RFX3: variants seen among roughly 807,000 people sequenced by gnomAD.
RFX3 encodes transcription factor RFX3.
In RFX3, 14 loss-of-function variants were observed where a neutral mutation model predicts 98.6. The observed-to-expected ratio is 0.14, with a 90% CI of 0.09 to 0.22. RFX3 has a LOEUF of 0.22. Ranked by LOEUF, RFX3 falls within the 10% of genes least tolerant of loss-of-function variation. RFX3 has a pLI of 1.00. For missense variants in RFX3, 639 were observed against 926.9 expected, an observed-to-expected ratio of 0.69 and a Z score of 4.03; for synonymous variants, 383 against 328.4, an observed-to-expected ratio of 1.17 and a Z score of -1.80.
chr9:3,360,729 C>T (rs553086650), intron 2 of RFX3, among the ~76,000 whole-genome samples: 22 of 151,948 alleles, frequency 1.4e-4, no homozygotes, highest in Middle Eastern at 3.4e-3. Flanking sequence ...AAAGTGAATA[C>T]CAAAACAAAT....
chr9:3,506,677 T>C (rs748070715), intron 1 of RFX3, among the ~76,000 whole-genome samples: 2 of 151,840 alleles, frequency 1.3e-5, no homozygotes, highest in Admixed American at 1.3e-4. Flanking sequence ...TATATAGATA[T>C]ATGAGTCTAG....
At chr9:3,258,804 CAT>C (rs915028453) in intron 13 of RFX3, among the ~76,000 whole-genome samples, 47 of 151,446 alleles carry the variant, frequency 3.1e-4, no homozygotes, top group African/African-American at 1.1e-3. Context: ...CATATATCAT[CAT>C]ATATATACAC....
Position 3,221,807 on chromosome 9 carries a change from T to C in RFX3, c.*3235A>G, listed in dbSNP as rs951761591. On this transcript the variant is annotated 3_prime_UTR_variant, in exon 17 of 17. Coordinates refer to ENST00000617270, the MANE Select transcript of RFX3 (RefSeq NM_001282116.2). ...ACCCATGATACTCAATCCTATCATA[T>C]GAAAATATCTTTTCTGAAACTTGAA... The C allele has an allele frequency of 2.0e-5, 3 of 152,214 alleles. No homozygotes were observed. Among genetic ancestry groups the C allele is most frequent in the Non-Finnish European group, 2.9e-5 (2 of 68,024 alleles). The allele number at this position is 152,214 out of a possible 1,614,324, so 9.4% of individuals were successfully genotyped here. A position where few individuals can be genotyped will look rare whatever the true frequency, so the allele number is the denominator to read the frequency against.
chr9:3,417,795 G>A, intron 1 of RFX3, among the ~76,000 whole-genome samples: 1 of 152,120 alleles, frequency 6.6e-6, no homozygotes, highest in East Asian at 1.9e-4. Context: ...AAGAATTCTA[G>A]AAATCCTTCT....
intron 4 of RFX3, among the ~76,000 whole-genome samples, chr9:3,311,164 T>A (rs1829907429): frequency 6.6e-6 from 1 of 152,222 alleles, no homozygotes. Flanking sequence ...AACTGTAAAT[T>A]TTTTAGAGAA....
chr9:3,502,666 T>C (rs1816155873), intron 1 of RFX3, among the ~76,000 whole-genome samples: 1 of 152,156 alleles, frequency 6.6e-6, no homozygotes, highest in South Asian at 2.1e-4. Context: ...ATATTAAATT[T>C]AACACTTGTT....
chr9:3,373,229 T>C (rs940233610), intron 2 of RFX3, among the ~76,000 whole-genome samples: 1 of 152,136 alleles, frequency 6.6e-6, no homozygotes, highest in Non-Finnish European at 1.5e-5. Flanking sequence ...GATGAGGGAA[T>C]AAACTCCTCA....
intron 1 of RFX3, among the ~76,000 whole-genome samples, chr9:3,477,395 T>A (rs1011649722): frequency 6.6e-6 from 1 of 152,194 alleles, no homozygotes; most frequent in Admixed American, 6.5e-5. Context: ...TCCTTTCAGT[T>A]TTTATCTATT....
At chr9:3,405,855 T>C (rs556281927) in intron 1 of RFX3, among the ~76,000 whole-genome samples, 1 of 152,316 alleles carries the variant, frequency 6.6e-6, no homozygotes, top group East Asian at 1.9e-4. Context: ...GGAGGCTCTT[T>C]AGAATATAGC....
At chr9:3,426,852 A>C (rs746635624) in intron 1 of RFX3, among the ~76,000 whole-genome samples, 2 of 152,164 alleles carry the variant, frequency 1.3e-5, no homozygotes, top group Non-Finnish European at 2.9e-5. Flanking sequence ...ACAATGTAAT[A>C]ATCATAGAAA....
At chr9:3,377,625 T>C (rs1019901760) in intron 2 of RFX3, among the ~76,000 whole-genome samples, 8 of 152,146 alleles carry the variant, frequency 5.3e-5, no homozygotes, top group African/African-American at 1.9e-4. Flanking sequence ...ACATCATTTA[T>C]TGGAAATTCA....
At chr9:3,432,153 T>A (rs912888207) in intron 1 of RFX3, among the ~76,000 whole-genome samples, 4 of 152,156 alleles carry the variant, frequency 2.6e-5, no homozygotes, top group Admixed American at 6.5e-5. Context: ...TCTTTGTTCC[T>A]GAAGTCAAGA....
intron 2 of RFX3, among the ~76,000 whole-genome samples, chr9:3,372,559 T>G (rs1287384984): frequency 6.6e-6 from 1 of 150,550 alleles, no homozygotes. Flanking sequence ...TCTTTTTTTT[T>G]TTTTTTGAGA....
At chr9:3,241,653 T>C (rs747827540) in intron 15 of RFX3, among the ~76,000 whole-genome samples, 1 of 152,174 alleles carries the variant, frequency 6.6e-6, no homozygotes, top group Non-Finnish European at 1.5e-5. Flanking sequence ...TTGTCAGAAA[T>C]TGTGCTAATG....
At chr9:3,364,382 C>A (rs567574785) in intron 2 of RFX3, 34 of 214,266 alleles carry the variant, frequency 1.6e-4, no homozygotes, top group African/African-American at 7.3e-4. Flanking sequence ...TTGCCAGCAT[C>A]TCTACCTTTT....
chr9:3,456,329 C>A (rs1437413462), intron 1 of RFX3, among the ~76,000 whole-genome samples: 1 of 152,148 alleles, frequency 6.6e-6, no homozygotes, highest in Non-Finnish European at 1.5e-5. Flanking sequence ...TGATCCGTGG[C>A]TAGTGTGATA....
At chr9:3,301,361 G>C (rs530372595) in intron 5 of RFX3, among the ~76,000 whole-genome samples, 185 bp downstream of exon 5, 2 of 151,856 alleles carry the variant, frequency 1.3e-5, no homozygotes, top group African/African-American at 4.8e-5. Context: ...TTATACTGGA[G>C]ACTCTATTTT....
chr9:3,474,623 AAAGT>A (rs1326856216), intron 1 of RFX3, among the ~76,000 whole-genome samples: 3 of 152,230 alleles, frequency 2.0e-5, no homozygotes, highest in African/African-American at 7.2e-5. Context: ...AACATATCTA[AAAGT>A]AAGTCAGCCA....
intron 4 of RFX3, among the ~76,000 whole-genome samples, chr9:3,315,206 C>T (rs1244684927): frequency 1.3e-5 from 2 of 152,126 alleles, no homozygotes; most frequent in East Asian, 3.8e-4. Context: ...AACTAGAACT[C>T]AGGATTAAGA....
Sources: allele counts gnomAD v4.1 joint callset (sites outside exome capture counted in the v4.1 genomes callset), GRCh38; gene constraint gnomAD v4.1.1; transcripts MANE v1.5; gene names NCBI Gene and HGNC (gene_info 2026-07-23, HGNC 2026-07-21).